The following REDIC1 variants were observed in gnomAD, a reference collection of about 807,000 sequenced individuals.
The protein encoded by REDIC1 is HEI10 Interacting Protein 1.
At chr12:39,882,282 T>C in the REDIC1 span, among the ~76,000 whole-genome samples, 2 of 152,184 alleles carry the variant, frequency 1.3e-5, no homozygotes, top group African/African-American at 4.8e-5. Flanking sequence ...TCTGATTCAG[T>C]AGGTCTAGGA....
the REDIC1 span, among the ~76,000 whole-genome samples, chr12:39,843,649 G>C: frequency 6.6e-6 from 1 of 152,058 alleles, no homozygotes; most frequent in East Asian, 1.9e-4. Context: ...TTTATTGCTA[G>C]TGCTCAACTC....
chr12:39,798,630 G>A, the REDIC1 span, among the ~76,000 whole-genome samples: 6 of 152,186 alleles, frequency 3.9e-5, no homozygotes, highest in East Asian at 1.2e-3. Flanking sequence ...TTGGCCTCGT[G>A]GCAGGGCAAG....
chr12:39,711,690 T>C, the REDIC1 span, among the ~76,000 whole-genome samples: 22 of 51,330 alleles, frequency 4.3e-4, no homozygotes, highest in African/African-American at 7.4e-4. Context: ...TATGCACATG[T>C]ATGTGTATGT....
At chr12:39,692,256 C>A in the REDIC1 span, 3 of 720,826 alleles carry the variant, frequency 4.2e-6, no homozygotes, top group African/African-American at 1.8e-5. Flanking sequence ...GCAATTGACT[C>A]GTTAAAATTA....
At chr12:39,898,487 T>C in the REDIC1 span, among the ~76,000 whole-genome samples, 2 of 126,124 alleles carry the variant, frequency 1.6e-5, no homozygotes, top group African/African-American at 2.7e-5. Flanking sequence ...AGTAGTTCTA[T>C]AGTAGCCACG....
chr12:39,712,909 G>T, the REDIC1 span, among the ~76,000 whole-genome samples: 1 of 138,836 alleles, frequency 7.2e-6, no homozygotes, highest in African/African-American at 2.6e-5. Context: ...GTGTATATAC[G>T]TATATACATA....
the REDIC1 span, among the ~76,000 whole-genome samples, chr12:39,727,067 C>T: frequency 6.6e-6 from 1 of 152,060 alleles, no homozygotes; most frequent in East Asian, 1.9e-4. Context: ...GGATATTAGC[C>T]CTTTGTCAGA....
chr12:39,858,401 C>T, the REDIC1 span, among the ~76,000 whole-genome samples: 4 of 151,914 alleles, frequency 2.6e-5, no homozygotes, highest in African/African-American at 9.7e-5. Flanking sequence ...GCTTGTGCCA[C>T]CATGCCAAAA....
At chr12:39,755,651 C>G in the REDIC1 span, 355 of 152,084 alleles carry the variant, frequency 2.3e-3, 2 homozygotes, top group Non-Finnish European at 4.0e-3. Context: ...GCTGCATGAT[C>G]CACTTCTTTT....
chr12:39,886,517 A>G, the REDIC1 span, among the ~76,000 whole-genome samples: 4 of 150,796 alleles, frequency 2.7e-5, no homozygotes, highest in East Asian at 7.9e-4. Context: ...CATGACATTC[A>G]TTTTAATTCT....
the REDIC1 span, among the ~76,000 whole-genome samples, chr12:39,653,196 T>A: frequency 6.6e-6 from 1 of 152,114 alleles, no homozygotes; most frequent in African/African-American, 2.4e-5. Flanking sequence ...TTCTTTCATC[T>A]TCTTTAATTT....
At chr12:39,781,840 C>T in the REDIC1 span, among the ~76,000 whole-genome samples, 29 of 152,102 alleles carry the variant, frequency 1.9e-4, no homozygotes, top group African/African-American at 5.8e-4. Flanking sequence ...CATATACGGC[C>T]CTCACATACC....
At chr12:39,875,385 T>C in the REDIC1 span, among the ~76,000 whole-genome samples, 2,312 of 152,350 alleles carry the variant, frequency 0.015, 54 homozygotes, top group African/African-American at 0.052. Flanking sequence ...CCCTTGTGAC[T>C]ATATTGGCTC....
chr12:39,751,370 T>G, the REDIC1 span, among the ~76,000 whole-genome samples: 6 of 152,192 alleles, frequency 3.9e-5, no homozygotes, highest in Non-Finnish European at 5.9e-5. Context: ...ACACACCAGT[T>G]AGAATGGCAA....
the REDIC1 span, among the ~76,000 whole-genome samples, chr12:39,628,725 A>C: frequency 6.6e-6 from 1 of 152,196 alleles, no homozygotes; most frequent in East Asian, 1.9e-4. Context: ...AGAACCTAGG[A>C]GAGAAAGTAG....
chr12:39,658,275 G>A, the REDIC1 span, among the ~76,000 whole-genome samples: 1 of 151,860 alleles, frequency 6.6e-6, no homozygotes, highest in Non-Finnish European at 1.5e-5. Context: ...AGTAGAGTTG[G>A]GGTTTCACCA....
the REDIC1 span, among the ~76,000 whole-genome samples, chr12:39,889,124 A>T: frequency 3.9e-5 from 6 of 152,266 alleles, no homozygotes; most frequent in African/African-American, 1.4e-4. Flanking sequence ...AAGCAAACCA[A>T]ATGTTGGCTC....
chr12:39,683,643 T>C, the REDIC1 span, among the ~76,000 whole-genome samples: 1 of 151,298 alleles, frequency 6.6e-6, no homozygotes, highest in Non-Finnish European at 1.5e-5. Context: ...GTGTTGATAA[T>C]ATCACCCCAG....
chr12:39,869,128 A>G, the REDIC1 span, among the ~76,000 whole-genome samples: 1 of 152,352 alleles, frequency 6.6e-6, no homozygotes, highest in South Asian at 2.1e-4. Context: ...ATATCTACAT[A>G]TAAATGAATA....
Sources: allele counts gnomAD v4.1 joint callset (sites outside exome capture counted in the v4.1 genomes callset), GRCh38; gene constraint gnomAD v4.1.1; transcripts MANE v1.5; gene names NCBI Gene and HGNC (gene_info 2026-07-23, HGNC 2026-07-21).